The following AGL variants were observed in gnomAD, a reference collection of about 807,000 sequenced individuals.
AGL encodes the protein glycogen debranching enzyme.
A neutral mutation model predicts 199.3 loss-of-function variants in AGL; 128 were observed. The ratio of observed to expected loss-of-function variants is 0.64; its 90% CI spans 0.56 to 0.74. The LOEUF (loss-of-function observed/expected upper bound fraction) is 0.74, where lower values mean the gene tolerates loss of function less well. Ranked by LOEUF, AGL falls within the 30% of genes least tolerant of loss-of-function variation. The pLI is 0.00. For synonymous variants in AGL, 584 were observed against 594.7 expected, an observed-to-expected ratio of 0.98 and a Z score of 0.26; for missense variants, 1,809 against 1,820.8, an observed-to-expected ratio of 0.99 and a Z score of 0.12.
At chr1:99,882,645 T>C (rs1218111263) in intron 17 of AGL, among the ~76,000 whole-genome samples, 3 of 152,190 alleles carry the variant, frequency 2.0e-5, no homozygotes, top group African/African-American at 7.2e-5. Flanking sequence ...GAGTCAAAAA[T>C]TATAAAATAC....
chr1:99,865,205 T>C (rs1650409845), intron 5 of AGL, among the ~76,000 whole-genome samples: 1 of 152,180 alleles, frequency 6.6e-6, no homozygotes, highest in African/African-American at 2.4e-5. Flanking sequence ...TCTATAGTTT[T>C]ACACATCCAC....
At chr1:99,874,227 A>G (rs531392860) in intron 7 of AGL, among the ~76,000 whole-genome samples, 1 of 145,166 alleles carries the variant, frequency 6.9e-6, no homozygotes, top group Non-Finnish European at 1.5e-5. Flanking sequence ...CGGGGAGGAA[A>G]ACGGGTTCCA....
chr1:99,901,732 C>G (rs1170590933), intron 26 of AGL, among the ~76,000 whole-genome samples: 1 of 134,686 alleles, frequency 7.4e-6, no homozygotes, highest in African/African-American at 2.9e-5. Flanking sequence ...TCTGATCTGC[C>G]TTTATGTTAA....
chr1:99,902,781 C>T lies in AGL; in HGVS notation c.3687C>T (p.Asn1229=). ...ERNAGPQIDR[N]MKDEGFNITA... is the part of the protein sequence containing the mutation. ...ATGCTGGTCCCCAGATAGATCGAAACATGAAGGACGAAGGTACAGAACTTT... is the reference window on the plus strand; with the variant it reads ...ATGCTGGTCCCCAGATAGATCGAAATATGAAGGACGAAGGTACAGAACTTT... Residue 1229 remains asparagine, a synonymous_variant, in exon 27 of 34, where the codon AAC becomes AAT. Coordinates refer to ENST00000361915, the MANE Select transcript of AGL (RefSeq NM_000642.3). 1.2e-6 allele frequency: 2 copies of T among 1,612,270 alleles called. No homozygotes were observed. The highest frequency in any genetic ancestry group is 1.1e-5 in the South Asian group (1 of 91,052).
At chr1:99,919,019 A>G (rs1239479301) in intron 33 of AGL, among the ~76,000 whole-genome samples, 2 of 152,092 alleles carry the variant, frequency 1.3e-5, no homozygotes, top group Non-Finnish European at 2.9e-5. Flanking sequence ...GCTGGTTGGT[A>G]CACTACAGAT....
chr1:99,877,671 T>C lies in AGL; in HGVS notation c.1454T>C (p.Ile485Thr). 6.2e-7 allele frequency: 1 copy of C among 1,614,046 alleles called. No individual in the cohort carries two copies. The highest frequency in any genetic ancestry group is 8.5e-7 in the Non-Finnish European group (1 of 1,179,974). Reference protein sequence around the residue: ...GSEVYLRRELICWGDSVKLRY... With the variant: ...GSEVYLRRELTCWGDSVKLRY... ...GAAGTTTACCTAAGGAGAGAACTTA[T>C]TTGCTGGGGAGACAGTGTTAAATTA... is the stretch of plus-strand genomic sequence containing the variant. Residue 485 changes from isoleucine to threonine, a missense_variant, in exon 12 of 34, where the codon ATT becomes ACT. Ile to Thr is a moderately conservative substitution (Grantham distance 89). Transcript: ENST00000361915.
chr1:99,870,294 A>G, intron 5 of AGL, 106 bp from the exon 6 acceptor site: 3 of 1,240,830 alleles, frequency 2.4e-6, no homozygotes, highest in Non-Finnish European at 3.4e-6. Context: ...CAATATAGAA[A>G]AAAATGAGTG....
In AGL at chr1:99,874,793, G is replaced by A. The variant is rs764914308; in HGVS notation, c.1065G>A (p.Thr355=). 3.5e-5 allele frequency: 56 copies of A among 1,612,488 alleles called. No homozygotes were observed. The Admixed American group carries it at 4.0e-4, about 12-fold the overall frequency. The change falls in exon 8 of 34, where the codon ACG becomes ACA. Residue 355 remains threonine, a synonymous_variant. Transcript: ENST00000361915. ...GCTVDMNIAL[T]TFIPHDKGPA... ...CTGTAGATATGAACATTGCACTAAC[G>A]ACTTTCATACCACATGAGTATGTAA... is the stretch of plus-strand genomic sequence containing the variant.
At position 99,898,188 on chromosome 1, in the gene AGL, A is replaced by C. The variant is rs924182785; in HGVS notation, c.3362+1800A>C. 2.0e-5 allele frequency among the ~76,000 whole-genome samples: 3 copies of C among 151,912 alleles called. No individual in the cohort carries two copies. In the South Asian group the frequency reaches 6.2e-4, roughly 32 times the overall value. ...CAGCCTCCTGAGTAGCTGGGACTAC[A>C]GGCGCCCGCCACCACACCCGGCTAA... On this transcript the variant is annotated intron_variant, in intron 25 of 33. Coordinates refer to ENST00000361915, the MANE Select transcript of AGL (RefSeq NM_000642.3).
intron 20 of AGL, 144 bp from the exon 21 acceptor site, chr1:99,887,828 TGTATGA>T: frequency 1.3e-6 from 1 of 799,210 alleles, no homozygotes; most frequent in Non-Finnish European, 2.0e-6. Context: ...TTACTTAAAA[TGTATGA>T]GTATAATGTT....
intron 17 of AGL, among the ~76,000 whole-genome samples, chr1:99,882,998 A>C (rs1425312788): frequency 1.3e-5 from 2 of 152,166 alleles, no homozygotes; most frequent in Non-Finnish European, 2.9e-5. Flanking sequence ...CACTGTGTAC[A>C]ATATTATCTC....
At chr1:99,879,429 AC>A (rs1172146293) in intron 12 of AGL, among the ~76,000 whole-genome samples, 1 of 152,104 alleles carries the variant, frequency 6.6e-6, no homozygotes, top group East Asian at 1.9e-4. Flanking sequence ...TACTAAAAAT[AC>A]AAAATTAGCT....
chr1:99,916,913 G>A (rs1429860555), intron 33 of AGL, among the ~76,000 whole-genome samples, 182 bp downstream of exon 33: 1 of 151,982 alleles, frequency 6.6e-6, no homozygotes, highest in Admixed American at 6.6e-5. Context: ...CTTATTTTGG[G>A]TTGTTATTTA....
intron 30 of AGL, among the ~76,000 whole-genome samples, chr1:99,914,129 AG>A (rs1160133617): frequency 2.0e-5 from 3 of 152,046 alleles, no homozygotes; most frequent in Non-Finnish European, 2.9e-5. Context: ...ATATTTGAAA[AG>A]AAAAGAAAAG....
At chr1:99,896,528 TA>T in intron 25 of AGL, 140 bp downstream of exon 25, 2 of 717,554 alleles carry the variant, frequency 2.8e-6, no homozygotes, top group South Asian at 3.2e-5. Context: ...TTTATTTTTG[TA>T]TGTTCACTTA....
At chr1:99,853,750 A>G (rs1649165659) in intron 2 of AGL, among the ~76,000 whole-genome samples, 1 of 152,168 alleles carries the variant, frequency 6.6e-6, no homozygotes, top group Non-Finnish European at 1.5e-5. Flanking sequence ...TTAGCTGGGC[A>G]TGATGGTGCT....
chr1:99,897,860 G>A (rs1014331840), intron 25 of AGL, among the ~76,000 whole-genome samples: 1 of 152,004 alleles, frequency 6.6e-6, no homozygotes. Context: ...AGTAATATCT[G>A]CCACATGCTA....
intron 5 of AGL, among the ~76,000 whole-genome samples, chr1:99,865,266 TC>T (rs796579596): frequency 9.2e-5 from 14 of 152,290 alleles, no homozygotes; most frequent in African/African-American, 3.1e-4. Context: ...ACTCTATTAA[TC>T]CTTTCCCAAG....
rs370863108 is a variant in AGL at position 99,881,953 on chromosome 1, T to C, written c.2308+262T>C. On this transcript the variant is annotated intron_variant, in intron 17 of 33. Transcript: ENST00000361915. ...TTCAAGACCAGTCTCAGCATTATGG[T>C]AACACCCTGTCTCTATCAAAAAAAA... Among the ~76,000 whole-genome samples the C allele has an allele frequency of 4.6e-5, 7 of 151,630 alleles. No homozygotes were observed. In the South Asian group the frequency reaches 6.3e-4, roughly 14 times the overall value.
Sources: allele counts gnomAD v4.1 joint callset (sites outside exome capture counted in the v4.1 genomes callset), GRCh38; gene constraint gnomAD v4.1.1; transcripts MANE v1.5; gene names NCBI Gene and HGNC (gene_info 2026-07-23, HGNC 2026-07-21).